Variants in ABCC4 observed in about 807,000 individuals in gnomAD.
ABCC4 encodes ATP-binding cassette sub-family C member 4.
Under a neutral mutation model 168.5 loss-of-function variants are expected in ABCC4, and 102 were observed. That is an observed-to-expected ratio of 0.61 (90% confidence interval 0.52 to 0.71). The LOEUF is 0.71. Ranked by LOEUF, ABCC4 falls within the 30% of genes least tolerant of loss-of-function variation. The probability of loss-of-function intolerance (pLI) is 0.00; values close to 1 mark genes in which losing one functional copy is unlikely to be tolerated. For missense variants in ABCC4, 1,402 were observed against 1,605.8 expected, an observed-to-expected ratio of 0.87 and a Z score of 2.17; for synonymous variants, 617 against 590.7, an observed-to-expected ratio of 1.04 and a Z score of -0.65.
intron 27 of ABCC4, among the ~76,000 whole-genome samples, chr13:95,049,996 C>T (rs554813329): frequency 6.6e-6 from 1 of 152,252 alleles, no homozygotes; most frequent in Admixed American, 6.5e-5. Flanking sequence ...CCAAATGACA[C>T]CAGGTTTCCT....
intron 19 of ABCC4, among the ~76,000 whole-genome samples, chr13:95,151,221 C>A (rs978170122): frequency 6.6e-5 from 10 of 152,030 alleles, no homozygotes; most frequent in Admixed American, 6.5e-5. Context: ...GTGGCTCACA[C>A]CTGTCCCAGC....
At chr13:95,098,818 G>C (rs1287607960) in intron 20 of ABCC4, among the ~76,000 whole-genome samples, 2 of 152,122 alleles carry the variant, frequency 1.3e-5, no homozygotes, top group East Asian at 3.8e-4. Context: ...TCAAGGCAAT[G>C]CAAATGGATC....
chr13:95,156,900 T>C, intron 19 of ABCC4, among the ~76,000 whole-genome samples: 1 of 152,028 alleles, frequency 6.6e-6, no homozygotes, highest in East Asian at 1.9e-4. Flanking sequence ...CGAGATCAGC[T>C]TGACCAACAT....
intron 19 of ABCC4, among the ~76,000 whole-genome samples, chr13:95,158,809 C>A (rs934091759): frequency 6.6e-6 from 1 of 151,966 alleles, no homozygotes; most frequent in Non-Finnish European, 1.5e-5. Flanking sequence ...GTGGCTCATG[C>A]CTGTAATCCC....
At chr13:95,257,190 A>C (rs1014366127) in intron 1 of ABCC4, among the ~76,000 whole-genome samples, 1 of 152,270 alleles carries the variant, frequency 6.6e-6, no homozygotes, top group Non-Finnish European at 1.5e-5. Context: ...TTCTCACAAT[A>C]AAGTAAGCTA....
chr13:95,124,850 G>A (rs2035700559), intron 19 of ABCC4, among the ~76,000 whole-genome samples: 1 of 150,644 alleles, frequency 6.6e-6, no homozygotes, highest in Non-Finnish European at 1.5e-5. Context: ...TGTACTCCAG[G>A]CTGGGTGACA....
intron 8 of ABCC4, among the ~76,000 whole-genome samples, chr13:95,199,164 T>C (rs1204473076): frequency 6.6e-6 from 1 of 152,172 alleles, no homozygotes; most frequent in Non-Finnish European, 1.5e-5. Context: ...TTTTAAAAAT[T>C]TAACAACACA....
At chr13:95,246,902 A>T in intron 3 of ABCC4, 73 bp downstream of exon 3, 1 of 1,529,284 alleles carries the variant, frequency 6.5e-7, no homozygotes, top group Non-Finnish European at 8.9e-7. Flanking sequence ...CATCCATTAC[A>T]GCACCAGTCA....
At chr13:95,057,668 T>C (rs1352290382) in intron 26 of ABCC4, among the ~76,000 whole-genome samples, 1 of 152,036 alleles carries the variant, frequency 6.6e-6, no homozygotes, top group East Asian at 1.9e-4. Context: ...AATGGTGTGG[T>C]CAAGAGTGAC....
intron 1 of ABCC4, among the ~76,000 whole-genome samples, chr13:95,258,886 G>C (rs556092611): frequency 6.6e-6 from 1 of 152,302 alleles, no homozygotes; most frequent in African/African-American, 2.4e-5. Context: ...TTCAGGTGTG[G>C]CAAATTATTA....
chr13:95,264,500 A>G (rs147326908), intron 1 of ABCC4, among the ~76,000 whole-genome samples: 76 of 152,336 alleles, frequency 5.0e-4, no homozygotes, highest in African/African-American at 1.8e-3. Context: ...TCCGGATACA[A>G]TGCACTGAGG....
At chr13:95,149,738 C>G (rs566876372) in intron 19 of ABCC4, among the ~76,000 whole-genome samples, 64 of 152,100 alleles carry the variant, frequency 4.2e-4, no homozygotes, top group Non-Finnish European at 8.4e-4. Context: ...CAACTATATT[C>G]CCTGTTCCAA....
intron 19 of ABCC4, among the ~76,000 whole-genome samples, chr13:95,125,752 T>C (rs1309905406): frequency 2.0e-5 from 3 of 152,216 alleles, no homozygotes; most frequent in African/African-American, 7.2e-5. Flanking sequence ...ACCATTTTGC[T>C]ATAGCAGCTA....
intron 9 of ABCC4, among the ~76,000 whole-genome samples, chr13:95,193,938 C>A (rs1170522581): frequency 2.0e-5 from 3 of 152,234 alleles, no homozygotes; most frequent in African/African-American, 7.2e-5. Flanking sequence ...TGCCCCATCC[C>A]CCAGCTAGGG....
At chr13:95,285,238 A>G (rs916349199) in intron 1 of ABCC4, among the ~76,000 whole-genome samples, 2 of 151,686 alleles carry the variant, frequency 1.3e-5, no homozygotes, top group African/African-American at 4.9e-5. Flanking sequence ...ACAGAGTGAG[A>G]CTCCGTCTCT....
At chr13:95,258,596 A>C (rs2040450460) in intron 1 of ABCC4, among the ~76,000 whole-genome samples, 1 of 152,160 alleles carries the variant, frequency 6.6e-6, no homozygotes, top group South Asian at 2.1e-4. Flanking sequence ...CCCCTCTAGA[A>C]CAAAAGCTCT....
At chr13:95,174,675 G>A (rs529851797) in intron 13 of ABCC4, among the ~76,000 whole-genome samples, 3 of 152,290 alleles carry the variant, frequency 2.0e-5, no homozygotes, top group African/African-American at 2.4e-5. Context: ...CTCCTTCCCC[G>A]CGGCGACTCT....
chr13:95,032,650 A>T (rs1020301974), intron 30 of ABCC4, among the ~76,000 whole-genome samples: 1 of 139,738 alleles, frequency 7.2e-6, no homozygotes, highest in Non-Finnish European at 1.5e-5. Flanking sequence ...ATATGGGAAC[A>T]TATTTTCTTT....
intron 1 of ABCC4, among the ~76,000 whole-genome samples, chr13:95,299,125 G>C (rs1207428608): frequency 1.3e-5 from 2 of 151,854 alleles, no homozygotes; most frequent in Non-Finnish European, 2.9e-5. Context: ...CGGGCATGGT[G>C]ACACACACCT....
Sources: allele counts gnomAD v4.1 joint callset (sites outside exome capture counted in the v4.1 genomes callset), GRCh38; gene constraint gnomAD v4.1.1; transcripts MANE v1.5; gene names NCBI Gene and HGNC (gene_info 2026-07-23, HGNC 2026-07-21).